MMP10: variants seen among roughly 807,000 people sequenced by gnomAD.
MMP10 encodes stromelysin-2.
A neutral mutation model predicts 49.1 loss-of-function variants in MMP10; 50 were observed. That is an observed-to-expected ratio of 1.02 (90% CI 0.81 to 1.29). MMP10 has a LOEUF of 1.29. Among genes scored for constraint, MMP10 ranks in the 50% most tolerant of loss-of-function variants. The pLI is 0.00. For synonymous variants in MMP10, 229 were observed against 201.6 expected, an observed-to-expected ratio of 1.14 and a Z score of -1.15; for missense variants, 613 against 563.8, an observed-to-expected ratio of 1.09 and a Z score of -0.88.
At chr11:102,773,450 T>G (rs2134348390) in intron 7 of MMP10, among the ~76,000 whole-genome samples, 1 of 152,320 alleles carries the variant, frequency 6.6e-6, no homozygotes, top group South Asian at 2.1e-4. Context: ...CAAATTCTAG[T>G]GAGTTAGGAC....
chr11:102,779,246 C>T lies in MMP10; in HGVS notation c.463G>A (p.Glu155Lys), dbSNP rs773527599. ...GCAAAAGAGATCATTATATCAGCCT[C>T]TCCTTCATACAGCCTGGAGAATGTG... is the stretch of plus-strand genomic sequence containing the variant. ...PLTFSRLYEG[E>K]ADIMISFAVK... The change falls in exon 3 of 10, where the codon GAG (glutamate) becomes AAG (lysine). Residue 155 changes from glutamate to lysine, a missense_variant. Coordinates refer to ENST00000279441, the MANE Select transcript of MMP10 (RefSeq NM_002425.3). 24 of 1,613,866 alleles carry T rather than the reference C, an allele frequency of 1.5e-5. No homozygotes were observed. The highest frequency in any genetic ancestry group is 1.7e-4 in the Middle Eastern group (1 of 5,810).
intron 7 of MMP10, 78 bp from the exon 8 acceptor site, chr11:102,773,084 A>C: frequency 1.4e-6 from 2 of 1,392,752 alleles, no homozygotes; most frequent in Non-Finnish European, 1.9e-6. Flanking sequence ...TGTTGTGGTA[A>C]AGAGGAAGGC....
intron 4 of MMP10, among the ~76,000 whole-genome samples, chr11:102,778,099 C>T (rs1857770895): frequency 6.6e-6 from 1 of 152,010 alleles, no homozygotes; most frequent in South Asian, 2.1e-4. Context: ...AAAGTGTTTC[C>T]AAGCCAATTT....
At chr11:102,775,483 G>A (rs549483455) in intron 6 of MMP10, among the ~76,000 whole-genome samples, 162 bp from the exon 7 acceptor site, 1 of 152,202 alleles carries the variant, frequency 6.6e-6, no homozygotes, top group African/African-American at 2.4e-5. Flanking sequence ...GGCAGGACTT[G>A]TGACTGGTTC....
At chr11:102,773,067 A>G (rs1168594654) in intron 7 of MMP10, 61 bp from the exon 8 acceptor site, 10 of 1,496,868 alleles carry the variant, frequency 6.7e-6, no homozygotes, top group Non-Finnish European at 9.0e-6. Flanking sequence ...AAATAATTAT[A>G]GTGCATTGTT....
chr11:102,778,712 G>A lies in MMP10; in HGVS notation c.534C>T (p.His178=). 1 of 1,613,966 alleles carries A rather than the reference G, an allele frequency of 6.2e-7. No homozygotes were observed. The highest frequency in any genetic ancestry group is 2.2e-5 in the East Asian group (1 of 44,884). The stretch of plus-strand genomic sequence containing the variant: ...CAGGTGGGTAGGCATGAGCCAAACT[G>A]TGTCCTGGGCCATCAAAAGAGTAAA... ...GDFYSFDGPG[H]SLAHAYPPGP... is the part of the protein sequence containing the mutation. The change falls in exon 4 of 10, where the codon CAC becomes CAT. Residue 178 remains histidine (H), a synonymous_variant. Coordinates refer to ENST00000279441, the MANE Select transcript of MMP10 (RefSeq NM_002425.3).
chr11:102,775,204 G>T lies in MMP10; in HGVS notation c.1050C>A (p.Thr350=). The T allele has an allele frequency of 1.9e-6, 3 of 1,590,546 alleles. No homozygotes were observed. Among genetic ancestry groups the T allele is most frequent in the South Asian group, 1.2e-5 (1 of 84,626 alleles). ...DAAYEVNSRD[T]VFIFKGNEFW... ...AGTACTCACCTTTAAAAATAAAAAC[G>T]GTGTCCCTGCTGTTAACTTCATATG... The change falls in exon 7 of 10, where the codon ACC becomes ACA. Residue 350 remains threonine, a synonymous_variant. Transcript: ENST00000279441.
chr11:102,774,485 G>A lies in MMP10; in HGVS notation c.1066+703C>T, dbSNP rs187339229. 2.5e-3 allele frequency among the ~76,000 whole-genome samples: 381 copies of A among 151,940 alleles called. 2 individuals carry two copies. Among genetic ancestry groups the A allele is most frequent in the African/African-American group, 8.4e-3 (349 of 41,474 alleles). ...AGATTGATGAAGAAAAAAGAGAAAG[G>A]CAAAAGGATTCAGTATTAAGAATGA... is the stretch of plus-strand genomic sequence containing the variant. On this transcript the variant is annotated intron_variant, in intron 7 of 9. Coordinates refer to ENST00000279441, the MANE Select transcript of MMP10 (RefSeq NM_002425.3).
chr11:102,778,784 T>A, intron 3 of MMP10, 35 bp from the exon 4 acceptor site: 1 of 1,609,798 alleles, frequency 6.2e-7, no homozygotes, highest in Non-Finnish European at 8.5e-7. Flanking sequence ...ATATAAGTGT[T>A]CAGAATTTCT....
chr11:102,775,140 T>A, intron 7 of MMP10, 48 bp downstream of exon 7: 1 of 1,386,866 alleles, frequency 7.2e-7, no homozygotes, highest in Non-Finnish European at 9.5e-7. Context: ...ATAAAATTTT[T>A]GCAATAGGAT....
rs1046399818 is a variant in MMP10, at chr11:102,772,776, A to C, written c.1226+71T>G. 1.3e-6 allele frequency: 2 copies of C among 1,507,752 alleles called. No homozygotes were observed. Among genetic ancestry groups the C allele is most frequent in the African/African-American group, 1.4e-5 (1 of 72,006 alleles). The allele number at this position is 1,507,752 out of a possible 1,614,324, so 93.4% of individuals were successfully genotyped here. ...GTTAGAGGGTGGGTGTAGGGTAGGG[A>C]AATATCCTTAAAGAAAGAAAATAAT... is the stretch of plus-strand genomic sequence containing the variant. On this transcript the variant is annotated intron_variant, in intron 8 of 9. Coordinates refer to ENST00000279441, the MANE Select transcript of MMP10 (RefSeq NM_002425.3). The surrounding 1 kb of genome is among the most constrained non-coding windows in gnomAD (Gnocchi z 4.4).
At chr11:102,778,484 G>A (rs1399392505) in intron 4 of MMP10, 140 bp downstream of exon 4, 12 of 1,017,884 alleles carry the variant, frequency 1.2e-5, no homozygotes, top group East Asian at 2.5e-5. Context: ...GAAACAAACA[G>A]TACTTCTGTT....
At chr11:102,779,084 G>C in intron 3 of MMP10, 129 bp downstream of exon 3, 3 of 1,349,598 alleles carry the variant, frequency 2.2e-6, no homozygotes, top group Non-Finnish European at 3.0e-6. Context: ...CCTTAATCTT[G>C]GACTTCCCAG....
At position 102,770,746 on chromosome 11, in the gene MMP10, T is replaced by C. The variant is rs765381667; in HGVS notation, c.*47A>G. The C allele has an allele frequency of 9.7e-6, 12 of 1,240,098 alleles. No homozygotes were observed. In the East Asian group the frequency reaches 2.9e-4, roughly 30 times the overall value. The allele number at this position is 1,240,098 out of a possible 1,614,324, so 76.8% of individuals were successfully genotyped here. A position where few individuals can be genotyped will look rare whatever the true frequency, so the allele number is the denominator to read the frequency against. On this transcript the variant is annotated 3_prime_UTR_variant, in exon 10 of 10. Coordinates refer to ENST00000279441, the MANE Select transcript of MMP10 (RefSeq NM_002425.3). Reference sequence around the variant, plus strand: ...GCTCATAATACATTAGATGAATAATTATTAGATTTATTAAAAACACCCATA... The same window carrying C: ...GCTCATAATACATTAGATGAATAATCATTAGATTTATTAAAAACACCCATA...
chr11:102,770,672 G>T lies in MMP10; in HGVS notation c.*121C>A. On this transcript the variant is annotated 3_prime_UTR_variant, in exon 10 of 10. Transcript: ENST00000279441. The stretch of plus-strand genomic sequence containing the variant: ...TCATGACACATGCAGATATCTGCAA[G>T]GCTCATCTTCTTCAGTCACAGAACA... 1 of 608,536 alleles carries T rather than the reference G, an allele frequency of 1.6e-6. No homozygotes were observed. Among genetic ancestry groups the T allele is most frequent in the Non-Finnish European group, 2.8e-6 (1 of 351,210 alleles). The allele number at this position is 608,536 out of a possible 1,614,324, so 37.7% of individuals were successfully genotyped here. A position where few individuals can be genotyped will look rare whatever the true frequency, so the allele number is the denominator to read the frequency against.
chr11:102,778,696 A>G lies in MMP10; in HGVS notation c.550T>C (p.Tyr184His), dbSNP rs776870006. 1.1e-5 allele frequency: 18 copies of G among 1,614,040 alleles called. No individual in the cohort carries two copies. The highest frequency in any genetic ancestry group is 1.4e-5 in the Non-Finnish European group (17 of 1,179,960). The change falls in exon 4 of 10, where the codon TAC becomes CAC. Residue 184 changes from tyrosine to histidine, a missense_variant. Tyr to His is a moderately conservative substitution (Grantham distance 83). Coordinates refer to ENST00000279441, the MANE Select transcript of MMP10 (RefSeq NM_002425.3). Reference protein sequence around the residue: ...DGPGHSLAHAYPPGPGLYGDI... With the variant: ...DGPGHSLAHAHPPGPGLYGDI... ...CCATAAAGCCCAGGTCCAGGTGGGT[A>G]GGCATGAGCCAAACTGTGTCCTGGG...
chr11:102,779,113 A>T (rs1857786434), intron 3 of MMP10, 100 bp downstream of exon 3: 1 of 1,509,312 alleles, frequency 6.6e-7, no homozygotes, highest in African/African-American at 1.4e-5. Context: ...ATTGTGAGCA[A>T]TAAATTTCTG....
At chr11:102,779,099 CAGA>C in intron 3 of MMP10, 111 bp downstream of exon 3, 1 of 1,461,664 alleles carries the variant, frequency 6.8e-7, no homozygotes, top group South Asian at 1.4e-5. Flanking sequence ...TCCCAGCCTC[CAGA>C]ATTGTGAGCA....
In MMP10 at chr11:102,780,510, C is replaced by A. The variant is rs1286781110; in HGVS notation, c.82G>T (p.Asp28Tyr). 1 of 1,613,856 alleles carries A rather than the reference C, an allele frequency of 6.2e-7. No homozygotes were observed. Among genetic ancestry groups the A allele is most frequent in the Admixed American group, 1.7e-5 (1 of 59,920 alleles). Residue 28 changes from aspartate (D) to tyrosine (Y), a missense_variant, in exon 1 of 10, where the codon GAC (aspartate) becomes TAC (tyrosine). Coordinates refer to ENST00000279441, the MANE Select transcript of MMP10 (RefSeq NM_002425.3). ...ACCTGGGCAAGATCCTTGTTGGAGT[C>A]CTCCTCTTTTGCTGCCCCACTCAGA... ...YPLSGAAKEE[D>Y]SNKDLAQQYL...
Sources: allele counts gnomAD v4.1 joint callset (sites outside exome capture counted in the v4.1 genomes callset), GRCh38; gene constraint gnomAD v4.1.1; non-coding constraint Gnocchi (gnomAD v3.1); transcripts MANE v1.5; gene names NCBI Gene and HGNC (gene_info 2026-07-23, HGNC 2026-07-21).